The following SPTBN1 variants were observed in gnomAD, a reference collection of about 807,000 sequenced individuals.
SPTBN1 encodes the protein spectrin beta, non-erythrocytic 1.
A neutral mutation model predicts 266.4 loss-of-function variants in SPTBN1; 32 were observed. The ratio of observed to expected loss-of-function variants is 0.12; its 90% confidence interval spans 0.09 to 0.16. The LOEUF (loss-of-function observed/expected upper bound fraction) is 0.16. SPTBN1 is among the 10% of genes least tolerant of loss of function. The pLI is 1.00. For synonymous variants in SPTBN1, 1,336 were observed against 1,162.2 expected (o/e 1.15, Z -3.04); for missense variants, 2,296 against 3,067.1 (o/e 0.75, Z 5.94).
chr2:54,490,079 ATTTT>A (rs11326998), intron 1 of SPTBN1, among the ~76,000 whole-genome samples: 9 of 135,396 alleles, frequency 6.6e-5, no homozygotes, highest in African/African-American at 2.5e-4. Flanking sequence ...AAGTTTATGA[ATTTT>A]TTTTTTTTTT....
chr2:54,660,313 A>G (rs1320238676), intron 32 of SPTBN1: 2 of 1,301,444 alleles, frequency 1.5e-6, no homozygotes, highest in African/African-American at 3.0e-5. Flanking sequence ...TTTTTACTTT[A>G]TTAAGATTTT....
At chr2:54,529,376 G>C (rs1558809436) in intron 2 of SPTBN1, 1 of 657,600 alleles carries the variant, frequency 1.5e-6, no homozygotes, top group Non-Finnish European at 2.8e-6. Flanking sequence ...GGAAGCTCCT[G>C]GCCCGCCTAA....
intron 2 of SPTBN1, among the ~76,000 whole-genome samples, chr2:54,552,386 T>C (rs1489260956): frequency 6.6e-6 from 1 of 152,142 alleles, no homozygotes; most frequent in Non-Finnish European, 1.5e-5. Context: ...GTCCCATTAT[T>C]ATGCCAACTT....
intron 27 of SPTBN1, among the ~76,000 whole-genome samples, 176 bp downstream of exon 27, chr2:54,654,029 G>A (rs1032935095): frequency 6.6e-6 from 1 of 152,136 alleles, no homozygotes. Context: ...CACTTGGCTC[G>A]TGCACACCAT....
In SPTBN1 at chr2:54,588,486, G is replaced by C. The variant is rs1675446494; in HGVS notation, c.149-10606G>C. 2.6e-5 allele frequency among the ~76,000 whole-genome samples: 4 copies of C among 152,128 alleles called. No individual in the cohort carries two copies. The South Asian group carries it at 8.3e-4, about 32-fold the overall frequency. The stretch of plus-strand genomic sequence containing the variant: ...GCCTCAGGTGCTTTGGGATTCTGTA[G>C]GGTTCAGATAAATGTGGGCTCTAAT... On this transcript the variant is annotated intron_variant, in intron 2 of 35. Transcript: ENST00000356805.
At chr2:54,583,263 G>T (rs1353964774) in intron 2 of SPTBN1, among the ~76,000 whole-genome samples, 3 of 152,124 alleles carry the variant, frequency 2.0e-5, no homozygotes, top group Non-Finnish European at 1.5e-5. Flanking sequence ...TTCCCATGCG[G>T]TATAATTACC....
chr2:54,466,390 G>GTATATTTTTT, intron 1 of SPTBN1, among the ~76,000 whole-genome samples: 2 of 25,864 alleles, frequency 7.7e-5, no homozygotes, highest in African/African-American at 6.7e-4. Flanking sequence ...GTGAAACCCC[G>GTATATTTTTT]TCTCTACTAA....
At chr2:54,567,152 T>C (rs1319105271) in intron 2 of SPTBN1, among the ~76,000 whole-genome samples, 1 of 152,148 alleles carries the variant, frequency 6.6e-6, no homozygotes, top group Non-Finnish European at 1.5e-5. Context: ...ATAAACTTGA[T>C]CTAGGTAAGA....
chr2:54,564,677 G>A (rs1673550710), intron 2 of SPTBN1, among the ~76,000 whole-genome samples: 1 of 152,180 alleles, frequency 6.6e-6, no homozygotes, highest in Non-Finnish European at 1.5e-5. Flanking sequence ...TCATGTGTCA[G>A]GATCAGTCTT....
intron 2 of SPTBN1, among the ~76,000 whole-genome samples, chr2:54,569,662 C>A (rs1191577873): frequency 3.3e-5 from 5 of 152,166 alleles, no homozygotes; most frequent in African/African-American, 1.2e-4. Context: ...CAATTACTTA[C>A]CAGTCTGAGA....
chr2:54,526,266 C>A, intron 1 of SPTBN1, 106 bp from the exon 2 acceptor site: 1 of 900,298 alleles, frequency 1.1e-6, no homozygotes, highest in Non-Finnish European at 1.6e-6. Flanking sequence ...AAGACCTATT[C>A]TTGGCAAGCA....
intron 2 of SPTBN1, 133 bp from the exon 3 acceptor site, chr2:54,598,959 C>T (rs1676288693): frequency 4.7e-6 from 4 of 859,548 alleles, no homozygotes; most frequent in Admixed American, 4.9e-5. Context: ...AGTTAAGGGG[C>T]GCTAAGTAGA....
chr2:54,537,834 G>C (rs1671699894), intron 2 of SPTBN1, among the ~76,000 whole-genome samples: 1 of 152,140 alleles, frequency 6.6e-6, no homozygotes, highest in Admixed American at 6.5e-5. Context: ...ATTTTTTCTG[G>C]TTCCAGTTGG....
In SPTBN1 at chr2:54,554,697, G is replaced by A. The variant is rs983774873; in HGVS notation, c.148+28131G>A. ...TACTCAGAAATTAGGGTAAGCCTGA[G>A]TCCCTGACTCTGGACTTGAGTCTTT... On this transcript the variant is annotated intron_variant, in intron 2 of 35. Coordinates refer to ENST00000356805, the MANE Select transcript of SPTBN1 (RefSeq NM_003128.3). The surrounding 1 kb of genome is among the most constrained non-coding windows in gnomAD (Gnocchi z 4.5). Among the ~76,000 whole-genome samples the A allele has an allele frequency of 1.3e-5, 2 of 152,176 alleles. No homozygotes were observed. The highest frequency in any genetic ancestry group is 4.8e-5 in the African/African-American group (2 of 41,420).
rs114238391 is a variant in SPTBN1 at position 54,530,265 on chromosome 2, A to C, written c.148+3699A>C. On this transcript the variant is annotated intron_variant, in intron 2 of 35. Coordinates refer to ENST00000356805, the MANE Select transcript of SPTBN1 (RefSeq NM_003128.3). ...GCTTTCAGGGTTTATGTATCTAAGGAAATAGGGTGAGGTAAACTACTTGTT... is the reference window on the plus strand; with the variant it reads ...GCTTTCAGGGTTTATGTATCTAAGGCAATAGGGTGAGGTAAACTACTTGTT... Among the ~76,000 whole-genome samples the C allele has an allele frequency of 8.5e-3, 1,291 of 151,730 alleles. 11 individuals carry two copies. Among genetic ancestry groups the C allele is most frequent in the Non-Finnish European group, 0.015 (1,027 of 67,886 alleles).
intron 2 of SPTBN1, among the ~76,000 whole-genome samples, chr2:54,579,576 C>T (rs1289515575): frequency 6.6e-6 from 1 of 152,188 alleles, no homozygotes; most frequent in African/African-American, 2.4e-5. Context: ...TGAGCTGAAG[C>T]ACATTGGCAT....
chr2:54,574,360 C>G (rs1674310582), intron 2 of SPTBN1, among the ~76,000 whole-genome samples: 1 of 152,162 alleles, frequency 6.6e-6, no homozygotes, highest in Non-Finnish European at 1.5e-5. Flanking sequence ...CACTGCTTCT[C>G]CGAGATAGTT....
Position 54,668,683 on chromosome 2 carries a change from T to TA in SPTBN1, c.*114_*115insA, listed in dbSNP as rs113161658. 0.012 allele frequency: 11,468 copies of TA among 944,286 alleles called. 628 individuals carry two copies. The African/African-American group carries it at 0.15, about 12-fold the overall frequency. 58.5% of individuals were successfully genotyped at this position (944,286 alleles called of 1,614,324 possible). ...CTAATGTTCCTCAATGTGGTTGATT[T>TA]TTTTTTTTTTTTAATTTATAGAGCA... On this transcript the variant is annotated 3_prime_UTR_variant, in exon 36 of 36. Transcript: ENST00000356805.
At chr2:54,484,291 A>G (rs936448422) in intron 1 of SPTBN1, among the ~76,000 whole-genome samples, 11 of 152,118 alleles carry the variant, frequency 7.2e-5, no homozygotes, top group African/African-American at 2.7e-4. Context: ...GGACTTTTAT[A>G]TGCTTGGGAA....
Sources: allele counts gnomAD v4.1 joint callset (sites outside exome capture counted in the v4.1 genomes callset), GRCh38; gene constraint gnomAD v4.1.1; non-coding constraint Gnocchi (gnomAD v3.1); transcripts MANE v1.5; gene names NCBI Gene and HGNC (gene_info 2026-07-23, HGNC 2026-07-21).